EGLN1: variants seen among roughly 807,000 people sequenced by gnomAD.
The protein encoded by EGLN1 is egl nine homolog 1.
In EGLN1, 17 loss-of-function variants were observed where a neutral mutation model predicts 38.3. The ratio of observed to expected loss-of-function variants is 0.44; its 90% CI spans 0.30 to 0.67. EGLN1 has a LOEUF of 0.67. EGLN1 is among the 30% of genes least tolerant of loss of function. The pLI, the probability that EGLN1 is intolerant of heterozygous loss-of-function variation, is 0.08. For missense variants in EGLN1, 477 were observed against 603.3 expected, an observed-to-expected ratio of 0.79 and a Z score of 2.19; for synonymous variants, 283 against 257.5, an observed-to-expected ratio of 1.10 and a Z score of -0.95.
intron 1 of EGLN1, among the ~76,000 whole-genome samples, chr1:231,380,311 G>A (rs1204488595): frequency 2.0e-4 from 16 of 80,654 alleles, no homozygotes; most frequent in East Asian, 7.4e-4. Flanking sequence ...GCGAGACTCC[G>A]TCTCAAAAAA....
chr1:231,373,035 T>TTTGGTTGTACAG (rs1188108081), intron 2 of EGLN1, among the ~76,000 whole-genome samples: 2 of 152,212 alleles, frequency 1.3e-5, no homozygotes, highest in Non-Finnish European at 2.9e-5. Context: ...ACCAAAAAAT[T>TTTGGTTGTACAG]AGTCTGTACA....
chr1:231,406,029 CTT>C (rs777315311), intron 1 of EGLN1, among the ~76,000 whole-genome samples: 14 of 68,710 alleles, frequency 2.0e-4, no homozygotes, highest in Admixed American at 4.8e-4. Context: ...ATTACTAAGG[CTT>C]TTTTTTTTTT....
Position 231,421,523 on chromosome 1 carries a change from C to G in EGLN1, c.366G>C (p.Ala122=), listed in dbSNP as rs1352596858. The change falls in exon 1 of 5, where the codon GCG becomes GCC. Residue 122 remains alanine, a synonymous_variant. Transcript: ENST00000366641. The surrounding 1 kb of genome is among the most constrained non-coding windows in gnomAD (Gnocchi z 5.5). ...CGGCCGCACGACACGGCGACGCGGCCGCCGCTGGGTCGGCCGGGGGCTTGG... is the reference window on the plus strand; with the variant it reads ...CGGCCGCACGACACGGCGACGCGGCGGCCGCTGGGTCGGCCGGGGGCTTGG... ...VKAKPPADPA[A]AASPCRAAAG... 6.9e-6 allele frequency: 9 copies of G among 1,306,808 alleles called. No individual in the cohort carries two copies. Among genetic ancestry groups the G allele is most frequent in the Non-Finnish European group, 8.8e-6 (9 of 1,028,432 alleles). The allele number at this position is 1,306,808 out of a possible 1,614,324, so 81.0% of individuals were successfully genotyped here. A position where few individuals can be genotyped will look rare whatever the true frequency, so the allele number is the denominator to read the frequency against.
In EGLN1 at chr1:231,373,973, T is replaced by C. The variant is rs199507950; in HGVS notation, c.1011+7A>G. 2.2e-5 allele frequency: 36 copies of C among 1,613,704 alleles called. No individual in the cohort carries two copies. The Admixed American group carries it at 5.0e-4, about 22-fold the overall frequency. On this transcript the variant is annotated splice_region_variant and intron_variant, in intron 2 of 4. Transcript: ENST00000366641. ...GAAAAAAATAAATGCTCAATTAAGT[T>C]GCATACCTTGGCATCCCAGTCTTTA...
chr1:231,408,689 C>T (rs1572047014), intron 1 of EGLN1, among the ~76,000 whole-genome samples: 2 of 152,184 alleles, frequency 1.3e-5, no homozygotes, highest in East Asian at 1.9e-4. Flanking sequence ...CAAGGGTTCT[C>T]GCCTCAAGTG....
chr1:231,410,276 T>C (rs2808609), intron 1 of EGLN1, among the ~76,000 whole-genome samples: 23,014 of 151,908 alleles, frequency 0.15, 2,143 homozygotes, highest in African/African-American at 0.25. Flanking sequence ...TTGCATACTT[T>C]ATTGAAGAAA....
intron 1 of EGLN1, among the ~76,000 whole-genome samples, chr1:231,387,391 G>T (rs1359314049): frequency 7.2e-6 from 1 of 138,524 alleles, no homozygotes; most frequent in East Asian, 2.1e-4. Flanking sequence ...ACGGCGTCTC[G>T]CTCTGTCGCC....
intron 1 of EGLN1, among the ~76,000 whole-genome samples, chr1:231,386,109 C>T (rs1240414139): frequency 8.6e-6 from 1 of 116,514 alleles, no homozygotes; most frequent in African/African-American, 2.6e-5. Flanking sequence ...AACCACCATG[C>T]CCGGCTGGTT....
chr1:231,396,360 TCTC>T (rs1688531051), intron 1 of EGLN1, among the ~76,000 whole-genome samples: 1 of 151,908 alleles, frequency 6.6e-6, no homozygotes, highest in Non-Finnish European at 1.5e-5. Context: ...TTCAAGCGAT[TCTC>T]CTGCCTCAGC....
At chr1:231,416,630 T>C (rs943510308) in intron 1 of EGLN1, among the ~76,000 whole-genome samples, 1 of 152,110 alleles carries the variant, frequency 6.6e-6, no homozygotes, top group Non-Finnish European at 1.5e-5. Context: ...CCCCTCAAAA[T>C]GCTGGGATTA....
chr1:231,366,365 G>A lies in EGLN1; in HGVS notation c.*46C>T, dbSNP rs1027002073. On this transcript the variant is annotated 3_prime_UTR_variant, in exon 5 of 5. Transcript: ENST00000366641. Reference sequence around the variant, plus strand: ...ATTCGTATTCACAAGTTAACAAATAGTTAACAATATTGTAGGTGAAGTGGG... The same window carrying A: ...ATTCGTATTCACAAGTTAACAAATAATTAACAATATTGTAGGTGAAGTGGG... 1.9e-6 allele frequency: 3 copies of A among 1,584,024 alleles called. No individual in the cohort carries two copies. Among genetic ancestry groups the A allele is most frequent in the African/African-American group, 2.7e-5 (2 of 74,198 alleles).
intron 1 of EGLN1, among the ~76,000 whole-genome samples, chr1:231,375,640 C>T (rs559079798): frequency 1.3e-5 from 2 of 152,290 alleles, no homozygotes; most frequent in Non-Finnish European, 2.9e-5. Context: ...TGATTCCAGA[C>T]AGACTTAACA....
At chr1:231,418,862 CA>C (rs746584010) in intron 1 of EGLN1, among the ~76,000 whole-genome samples, 1,711 of 94,246 alleles carry the variant, frequency 0.018, 5 homozygotes, top group Middle Eastern at 0.027. Context: ...ACCCTGTCTC[CA>C]AAAAAAAAAA....
chr1:231,406,685 A>C (rs1688805211), intron 1 of EGLN1, among the ~76,000 whole-genome samples: 1 of 152,056 alleles, frequency 6.6e-6, no homozygotes, highest in Non-Finnish European at 1.5e-5. Flanking sequence ...GGTTTTTTGG[A>C]ACTCTAACGG....
At chr1:231,367,450 A>G (rs574687676) in intron 4 of EGLN1, 119 bp downstream of exon 4, 2 of 1,069,632 alleles carry the variant, frequency 1.9e-6, no homozygotes, top group Admixed American at 1.8e-5. Flanking sequence ...GAAATCTGAT[A>G]AAAAACAAAA....
intron 1 of EGLN1, among the ~76,000 whole-genome samples, chr1:231,395,206 T>G (rs943786858): frequency 3.3e-5 from 5 of 152,242 alleles, no homozygotes; most frequent in Non-Finnish European, 7.3e-5. Context: ...TATTTTAAAA[T>G]AAATGCTCCT....
At chr1:231,387,638 C>T (rs890244974) in intron 1 of EGLN1, among the ~76,000 whole-genome samples, 11 of 152,104 alleles carry the variant, frequency 7.2e-5, no homozygotes, top group African/African-American at 2.7e-4. Context: ...GGATTATAGG[C>T]GTGAGCCACC....
chr1:231,394,007 T>C (rs987421749), intron 1 of EGLN1, among the ~76,000 whole-genome samples: 2 of 152,230 alleles, frequency 1.3e-5, no homozygotes, highest in Admixed American at 1.3e-4. Context: ...ATATGTAGCC[T>C]TTTCATTGGC....
chr1:231,364,021 G>C lies in EGLN1; in HGVS notation c.*2390C>G, dbSNP rs1398856702. 2 of 152,200 alleles carry C rather than the reference G, an allele frequency of 1.3e-5. No homozygotes were observed. Among genetic ancestry groups the C allele is most frequent in the Non-Finnish European group, 2.9e-5 (2 of 68,034 alleles). 9.4% of individuals were successfully genotyped at this position (152,200 alleles called of 1,614,324 possible). A position where few individuals can be genotyped will look rare whatever the true frequency, so the allele number is the denominator to read the frequency against. On this transcript the variant is annotated 3_prime_UTR_variant, in exon 5 of 5. Coordinates refer to ENST00000366641, the MANE Select transcript of EGLN1 (RefSeq NM_022051.3). The stretch of plus-strand genomic sequence containing the variant: ...ACAGTTTTAAATTTTGTTTGAAATA[G>C]AGTCCTGCTTGGTGACAAGTTAATA...
Sources: gnomAD v4.1 joint callset for allele counts (sites outside exome capture counted in the v4.1 genomes callset) on GRCh38, gnomAD v4.1.1 for gene constraint, Gnocchi (gnomAD v3.1) non-coding constraint, MANE v1.5 for transcripts, NCBI Gene and HGNC (gene_info 2026-07-23, HGNC 2026-07-21) for gene names.